SLC35F4: variants seen among roughly 807,000 people sequenced by gnomAD.
The protein encoded by SLC35F4 is solute carrier family 35 member F4.
In SLC35F4, 24 loss-of-function variants were observed where a neutral mutation model predicts 44.2. The ratio of observed to expected loss-of-function variants is 0.54; its 90% confidence interval spans 0.39 to 0.76. SLC35F4 has a LOEUF of 0.76. Among genes scored for constraint, SLC35F4 ranks in the 30% least tolerant of loss-of-function variants. The pLI, the probability that SLC35F4 is intolerant of heterozygous loss-of-function variation, is 0.00. For missense variants in SLC35F4, 562 were observed against 586.1 expected, an observed-to-expected ratio of 0.96 and a Z score of 0.42; for synonymous variants, 238 against 223.6, an observed-to-expected ratio of 1.06 and a Z score of -0.57.
intron 1 of SLC35F4, among the ~76,000 whole-genome samples, chr14:57,860,449 A>T (rs1449029376): frequency 1.3e-5 from 2 of 152,126 alleles, no homozygotes; most frequent in Non-Finnish European, 2.9e-5. Context: ...GTCAAAGCTG[A>T]CCTACTGCAT....
At chr14:57,771,364 G>T (rs1188063867) in intron 1 of SLC35F4, among the ~76,000 whole-genome samples, 1 of 152,108 alleles carries the variant, frequency 6.6e-6, no homozygotes, top group African/African-American at 2.4e-5. Flanking sequence ...CTGAAAATAT[G>T]CTCCACAGGT....
rs577698680 is a variant in SLC35F4 at position 57,958,350 on chromosome 14, G to A, written n.282+23563C>T. 5.9e-5 allele frequency among the ~76,000 whole-genome samples: 9 copies of A among 152,258 alleles called. No individual in the cohort carries two copies. The East Asian group carries it at 9.6e-4, about 16-fold the overall frequency. On this transcript the variant is annotated intron_variant and non_coding_transcript_variant, in intron 1 of 1. Transcript: ENST00000556568. ...TGAGATTACATGCGTGAGCCACTGCGCCAGGCAATTAGATGAATGTTGAAA... is the reference window on the plus strand; with the variant it reads ...TGAGATTACATGCGTGAGCCACTGCACCAGGCAATTAGATGAATGTTGAAA...
chr14:57,906,577 G>A lies in SLC35F4; in HGVS notation n.282+75336C>T, dbSNP rs374062116. ...TACATATTTGTGGGAGAATTTCTACGGAAAAATTCCAAAAAGTGGGATTGC... is the reference window on the plus strand; with the variant it reads ...TACATATTTGTGGGAGAATTTCTACAGAAAAATTCCAAAAAGTGGGATTGC... On this transcript the variant is annotated intron_variant and non_coding_transcript_variant, in intron 1 of 1. Transcript: ENST00000556568. Among the ~76,000 whole-genome samples the A allele has an allele frequency of 1.1e-4, 16 of 152,152 alleles. No homozygotes were observed. In the East Asian group the frequency reaches 1.9e-3, roughly 18 times the overall value.
chr14:57,981,767 C>T (rs1370410059), intron 1 of SLC35F4: 1 of 152,040 alleles, frequency 6.6e-6, no homozygotes, highest in Non-Finnish European at 1.5e-5. Flanking sequence ...AAAATAAATT[C>T]AATTATATTT....
chr14:57,893,269 C>T (rs572321240), intron 1 of SLC35F4, among the ~76,000 whole-genome samples: 13 of 152,078 alleles, frequency 8.5e-5, no homozygotes, highest in African/African-American at 2.4e-4. Context: ...AGCTATGGGT[C>T]GATATATTTA....
intron 4 of SLC35F4, chr14:57,578,773 ATATT>A (rs2069008012): frequency 6.6e-6 from 1 of 152,192 alleles, no homozygotes; most frequent in Non-Finnish European, 1.5e-5. Context: ...ACTTATGGAT[ATATT>A]TATTAACAAG....
chr14:57,825,804 T>C (rs1432759603), intron 1 of SLC35F4, among the ~76,000 whole-genome samples: 2 of 151,948 alleles, frequency 1.3e-5, no homozygotes, highest in Non-Finnish European at 2.9e-5. Context: ...AGAATACAGA[T>C]AACAAGGGAA....
intron 1 of SLC35F4, among the ~76,000 whole-genome samples, chr14:57,642,586 A>G (rs2073301747): frequency 6.6e-6 from 1 of 151,984 alleles, no homozygotes; most frequent in African/African-American, 2.4e-5. Context: ...ATCTGGACAA[A>G]AGAACTGTTT....
chr14:57,743,351 G>A lies in SLC35F4; in HGVS notation c.103+122372C>T, dbSNP rs368143744. Among the ~76,000 whole-genome samples the A allele has an allele frequency of 3.2e-4, 49 of 152,188 alleles. No homozygotes were observed. In the East Asian group the frequency reaches 7.5e-3, roughly 23 times the overall value. ...AGCAAGACTAATAAAGAAGAAAAGAGAGAAGAATCAAATAGACGCAACAAA... is the reference window on the plus strand; with the variant it reads ...AGCAAGACTAATAAAGAAGAAAAGAAAGAAGAATCAAATAGACGCAACAAA... On this transcript the variant is annotated intron_variant, in intron 1 of 7. Transcript: ENST00000556826.
At chr14:57,590,144 C>G (rs528346882) in intron 2 of SLC35F4, among the ~76,000 whole-genome samples, 6 of 147,690 alleles carry the variant, frequency 4.1e-5, no homozygotes. Context: ...CATCTCAGCA[C>G]TCTGGGAGGC....
At chr14:57,696,816 G>A (rs150711259) in intron 1 of SLC35F4, among the ~76,000 whole-genome samples, 1 of 152,294 alleles carries the variant, frequency 6.6e-6, no homozygotes, top group East Asian at 1.9e-4. Flanking sequence ...ACTAACACAG[G>A]AACAGAAAAC....
chr14:57,820,934 CT>C (rs1883112260), intron 1 of SLC35F4, among the ~76,000 whole-genome samples: 1 of 152,220 alleles, frequency 6.6e-6, no homozygotes, highest in Admixed American at 6.5e-5. Context: ...AGAAAGCTTG[CT>C]ATCACATAAG....
intron 1 of SLC35F4, among the ~76,000 whole-genome samples, chr14:57,694,916 C>G (rs1433389368): frequency 6.6e-6 from 1 of 152,004 alleles, no homozygotes; most frequent in Admixed American, 6.6e-5. Flanking sequence ...ATTTAAAACT[C>G]CTCTGTAAGT....
intron 1 of SLC35F4, among the ~76,000 whole-genome samples, chr14:57,933,739 T>G (rs189014060): frequency 1.6e-4 from 24 of 152,298 alleles, no homozygotes; most frequent in African/African-American, 5.8e-4. Flanking sequence ...AAGAAAAACC[T>G]TAAGGGATTT....
chr14:57,670,467 T>G (rs953150383), intron 1 of SLC35F4, among the ~76,000 whole-genome samples: 3 of 152,114 alleles, frequency 2.0e-5, no homozygotes, highest in Non-Finnish European at 4.4e-5. Flanking sequence ...TTGTGGGCAT[T>G]TAGTGCTATA....
In SLC35F4 at chr14:57,667,715, T is replaced by G. The variant is rs2074365338; in HGVS notation, c.104-73591A>C. On this transcript the variant is annotated intron_variant, in intron 1 of 7. Coordinates refer to ENST00000556826, the MANE Select transcript of SLC35F4 (RefSeq NM_001306087.2). Reference sequence around the variant, plus strand: ...TTCCATGGTGTATATGTGCCACATTTTCTTAATCCAGTCTATCATTGTTGG... The same window carrying G: ...TTCCATGGTGTATATGTGCCACATTGTCTTAATCCAGTCTATCATTGTTGG... 5.3e-5 allele frequency among the ~76,000 whole-genome samples: 8 copies of G among 151,996 alleles called. No individual in the cohort carries two copies. The South Asian group carries it at 1.7e-3, about 32-fold the overall frequency.
chr14:57,733,198 G>A (rs189650215), intron 1 of SLC35F4, among the ~76,000 whole-genome samples: 130 of 152,082 alleles, frequency 8.5e-4, no homozygotes, highest in Middle Eastern at 6.8e-3. Context: ...CTAGCTCTCC[G>A]GCCTACTGAT....
chr14:57,652,678 A>T, intron 1 of SLC35F4, among the ~76,000 whole-genome samples: 1 of 150,440 alleles, frequency 6.6e-6, no homozygotes, highest in African/African-American at 2.5e-5. Flanking sequence ...CAAAGATCTA[A>T]CAGGATAGTA....
At chr14:57,911,717 T>C (rs1351257462) in intron 1 of SLC35F4, among the ~76,000 whole-genome samples, 2 of 152,070 alleles carry the variant, frequency 1.3e-5, no homozygotes, top group Non-Finnish European at 2.9e-5. Flanking sequence ...TTTGCATCTA[T>C]GTTTATGAAA....
Sources: allele counts gnomAD v4.1 joint callset (sites outside exome capture counted in the v4.1 genomes callset), GRCh38; gene constraint gnomAD v4.1.1; transcripts MANE v1.5; gene names NCBI Gene and HGNC (gene_info 2026-07-23, HGNC 2026-07-21).